Variants in FBXW7 observed in about 807,000 individuals in gnomAD.
FBXW7 encodes the protein F-box and WD repeat domain containing 7.
A neutral mutation model predicts 86.3 loss-of-function variants in FBXW7; 11 were observed. That is an observed-to-expected ratio of 0.13 (90% CI 0.08 to 0.21). FBXW7 has a LOEUF of 0.21. Among genes scored for constraint, FBXW7 ranks in the 10% least tolerant of loss-of-function variants. The pLI, the probability that FBXW7 is intolerant of heterozygous loss-of-function variation, is 1.00. For missense variants in FBXW7, 488 were observed against 847.4 expected, an observed-to-expected ratio of 0.58 and a Z score of 5.27; for synonymous variants, 313 against 297.9, an observed-to-expected ratio of 1.05 and a Z score of -0.52.
intron 4 of FBXW7, chr4:152,352,415 T>G (rs1731900888): frequency 6.2e-7 from 1 of 1,602,874 alleles, no homozygotes; most frequent in Non-Finnish European, 8.5e-7. Context: ...ATTTTCCTTC[T>G]CAGGCAGGCA....
chr4:152,522,112 A>G (rs892508765), intron 2 of FBXW7, among the ~76,000 whole-genome samples: 1 of 152,122 alleles, frequency 6.6e-6, no homozygotes, highest in African/African-American at 2.4e-5. Flanking sequence ...AAAGAGAGAG[A>G]GCTCCAAGGT....
At chr4:152,465,544 A>G (rs1036434234) in intron 2 of FBXW7, among the ~76,000 whole-genome samples, 1 of 152,146 alleles carries the variant, frequency 6.6e-6, no homozygotes, top group African/African-American at 2.4e-5. Context: ...ATCAATGTAT[A>G]GAACAATATT....
intron 2 of FBXW7, among the ~76,000 whole-genome samples, chr4:152,414,983 G>A (rs780566465): frequency 2.6e-5 from 4 of 151,902 alleles, no homozygotes; most frequent in Non-Finnish European, 1.5e-5. Flanking sequence ...GGGGGAGGGG[G>A]GTGTATTTTA....
At chr4:152,476,221 C>T (rs1579304028) in intron 2 of FBXW7, among the ~76,000 whole-genome samples, 1 of 151,972 alleles carries the variant, frequency 6.6e-6, no homozygotes, top group Admixed American at 6.6e-5. Context: ...GGCAGTTCAC[C>T]GAAGGAAAAG....
In FBXW7 at chr4:152,457,417, CG is replaced by C. The variant is rs530275189; in HGVS notation, c.-119-44889del. On this transcript the variant is annotated intron_variant, in intron 2 of 13. Coordinates refer to ENST00000281708, the MANE Select transcript of FBXW7 (RefSeq NM_001349798.2). ...CAGCACTCTGGGAGGCCGAGGCAGGCGGATCACGAGGTCAGGAGAGCGAGAC... is the reference window on the plus strand; with the variant it reads ...CAGCACTCTGGGAGGCCGAGGCAGGCGATCACGAGGTCAGGAGAGCGAGAC... Among the ~76,000 whole-genome samples, 223 of 152,080 alleles carry C rather than the reference CG, an allele frequency of 1.5e-3. 1 individual carries two copies. Among genetic ancestry groups the C allele is most frequent in the African/African-American group, 5.2e-3 (214 of 41,478 alleles).
chr4:152,411,205 T>C (rs1410461030), intron 4 of FBXW7, 98 bp downstream of exon 4: 6 of 1,383,646 alleles, frequency 4.3e-6, no homozygotes, highest in Non-Finnish European at 4.8e-6. Context: ...CATCTTAAGA[T>C]TAATTTTTAG....
chr4:152,522,768 C>A (rs1279898686), intron 2 of FBXW7, among the ~76,000 whole-genome samples: 1 of 152,122 alleles, frequency 6.6e-6, no homozygotes, highest in Non-Finnish European at 1.5e-5. Context: ...TTAATACTAA[C>A]AAAGAAGTAA....
intron 4 of FBXW7, among the ~76,000 whole-genome samples, chr4:152,409,974 G>C (rs1737785997): frequency 6.6e-6 from 1 of 152,122 alleles, no homozygotes; most frequent in African/African-American, 2.4e-5. Context: ...TGAAGGTAAA[G>C]AAAAGATAAA....
chr4:152,498,164 T>TAA (rs1421163199), intron 2 of FBXW7, among the ~76,000 whole-genome samples: 5 of 152,170 alleles, frequency 3.3e-5, no homozygotes, highest in African/African-American at 4.8e-5. Flanking sequence ...TGTCCTTTCT[T>TAA]TGTATCTTTG....
chr4:152,412,607 TAAATGTAAATAA>T (rs535958789), intron 2 of FBXW7, 78 bp from the exon 3 acceptor site: 149 of 151,708 alleles, frequency 9.8e-4, no homozygotes, highest in African/African-American at 3.4e-3. Flanking sequence ...AAGATAAAAA[TAAATGTAAATAA>T]AAATGTAAAT....
intron 2 of FBXW7, among the ~76,000 whole-genome samples, chr4:152,516,204 CT>C (rs1748475723): frequency 6.6e-6 from 1 of 152,194 alleles, no homozygotes; most frequent in Non-Finnish European, 1.5e-5. Context: ...TGTTAATTTG[CT>C]GTAGAGCAGG....
intron 4 of FBXW7, among the ~76,000 whole-genome samples, chr4:152,392,455 G>C (rs917183079): frequency 6.6e-6 from 1 of 152,092 alleles, no homozygotes; most frequent in African/African-American, 2.4e-5. Flanking sequence ...ATTATATAGA[G>C]ATGTTAGGAG....
chr4:152,352,667 G>C (rs2126663654), intron 4 of FBXW7: 1 of 1,613,780 alleles, frequency 6.2e-7, no homozygotes, highest in East Asian at 2.2e-5. Flanking sequence ...AGCAGAACCG[G>C]CAACAAAACT....
At chr4:152,514,722 C>T (rs1173989251) in intron 2 of FBXW7, among the ~76,000 whole-genome samples, 1 of 152,220 alleles carries the variant, frequency 6.6e-6, no homozygotes, top group African/African-American at 2.4e-5. Context: ...CTCCCCTTCA[C>T]TCTCTGCCAT....
chr4:152,354,283 TA>T (rs1213142931), intron 4 of FBXW7, among the ~76,000 whole-genome samples: 6 of 152,004 alleles, frequency 3.9e-5, no homozygotes, highest in Admixed American at 3.9e-4. Flanking sequence ...GAACAATATG[TA>T]TATGTACTCA....
At chr4:152,400,408 C>A (rs551654954) in intron 4 of FBXW7, among the ~76,000 whole-genome samples, 2 of 152,240 alleles carry the variant, frequency 1.3e-5, no homozygotes, top group African/African-American at 4.8e-5. Flanking sequence ...GTGGTATGAT[C>A]TTGGCTCACC....
intron 2 of FBXW7, among the ~76,000 whole-genome samples, chr4:152,433,540 C>G (rs916273168): frequency 2.6e-5 from 4 of 152,144 alleles, no homozygotes; most frequent in African/African-American, 9.7e-5. Context: ...CTTTTTCACT[C>G]AATTAAAATT....
At chr4:152,407,787 C>A (rs1398336696) in intron 4 of FBXW7, among the ~76,000 whole-genome samples, 2 of 152,102 alleles carry the variant, frequency 1.3e-5, no homozygotes, top group Non-Finnish European at 2.9e-5. Context: ...TCACTGCAGC[C>A]TCAACCTCCT....
At chr4:152,359,740 G>T (rs1732750583) in intron 4 of FBXW7, among the ~76,000 whole-genome samples, 1 of 152,032 alleles carries the variant, frequency 6.6e-6, no homozygotes, top group African/African-American at 2.4e-5. Flanking sequence ...TCCAGCCTGG[G>T]CAAAAAGAGC....
Sources: allele counts gnomAD v4.1 joint callset (sites outside exome capture counted in the v4.1 genomes callset), GRCh38; gene constraint gnomAD v4.1.1; transcripts MANE v1.5; gene names NCBI Gene and HGNC (gene_info 2026-07-23, HGNC 2026-07-21).